LRRC17: variants seen among roughly 807,000 people sequenced by gnomAD.
LRRC17 encodes leucine-rich repeat-containing protein 17.
In LRRC17, 33 loss-of-function variants were observed where a neutral mutation model predicts 41.5. The ratio of observed to expected loss-of-function variants is 0.80; its 90% CI spans 0.60 to 1.06. The LOEUF (loss-of-function observed/expected upper bound fraction) is 1.06. Among genes scored for constraint, LRRC17 ranks in the 50% least tolerant of loss-of-function variants. The probability of loss-of-function intolerance (pLI) is 0.00; values close to 1 mark genes in which losing one functional copy is unlikely to be tolerated. For missense variants in LRRC17, 491 were observed against 519.3 expected, an observed-to-expected ratio of 0.95 and a Z score of 0.53; for synonymous variants, 192 against 197.0, an observed-to-expected ratio of 0.97 and a Z score of 0.21.
At chr7:102,916,104 T>C (rs1815814538) in intron 1 of LRRC17, among the ~76,000 whole-genome samples, 1 of 151,958 alleles carries the variant, frequency 6.6e-6, no homozygotes, top group African/African-American at 2.4e-5. Context: ...CTGCCTCAGC[T>C]TCCCAAGTAG....
chr7:102,928,537 T>C (rs1332265052), intron 1 of LRRC17, among the ~76,000 whole-genome samples: 2 of 152,206 alleles, frequency 1.3e-5, no homozygotes, highest in African/African-American at 2.4e-5. Flanking sequence ...CTGTATATTA[T>C]TAGACTCCAA....
At chr7:102,931,889 T>C in intron 1 of LRRC17, 1 of 1,613,642 alleles carries the variant, frequency 6.2e-7, no homozygotes, top group Non-Finnish European at 8.5e-7. Context: ...ACTGTGAATG[T>C]TGGGCAGTCA....
chr7:102,934,519 A>G lies in LRRC17; in HGVS notation c.606A>G (p.Lys202=). 1 of 1,610,236 alleles carries G rather than the reference A, an allele frequency of 6.2e-7. No individual in the cohort carries two copies. The highest frequency in any genetic ancestry group is 8.5e-7 in the Non-Finnish European group (1 of 1,179,070). The change falls in exon 2 of 4, where the codon AAA becomes AAG. Residue 202 remains lysine, a synonymous_variant. Coordinates refer to ENST00000339431, the MANE Select transcript of LRRC17 (RefSeq NM_001031692.3). ...GTCCACAAGAACAAAAAAATAAAAA[A>G]CTGCGGCAGATAAAATCTGAACAGT... ...CESPQEQKNK[K]LRQIKSEQLC... is the part of the protein sequence containing the mutation.
intron 1 of LRRC17, among the ~76,000 whole-genome samples, chr7:102,916,800 G>GA (rs371101558): frequency 6.7e-6 from 1 of 149,518 alleles, no homozygotes; most frequent in Non-Finnish European, 1.5e-5. Context: ...ATGGGGGGGG[G>GA]TGTGAGTCCT....
chr7:102,917,463 G>T (rs1197416077), intron 1 of LRRC17, among the ~76,000 whole-genome samples: 1 of 152,164 alleles, frequency 6.6e-6, no homozygotes, highest in African/African-American at 2.4e-5. Flanking sequence ...GTGAAAGAAG[G>T]TTGTTATTAT....
chr7:102,935,923 C>G (rs1014774931), intron 2 of LRRC17, among the ~76,000 whole-genome samples: 1 of 152,136 alleles, frequency 6.6e-6, no homozygotes, highest in East Asian at 1.9e-4. Flanking sequence ...TGGCTCCTCT[C>G]GAGAGAATGT....
At chr7:102,920,644 G>T (rs966215000) in intron 1 of LRRC17, among the ~76,000 whole-genome samples, 1 of 151,974 alleles carries the variant, frequency 6.6e-6, no homozygotes, top group East Asian at 1.9e-4. Flanking sequence ...ACCACGCATG[G>T]CCCATACACT....
rs1051960273 is a variant in LRRC17, at chr7:102,944,688, G to A, written c.*81G>A. 2.5e-5 allele frequency: 32 copies of A among 1,289,218 alleles called. No individual in the cohort carries two copies. The highest frequency in any genetic ancestry group is 3.4e-5 in the Non-Finnish European group (32 of 946,884). The allele number at this position is 1,289,218 out of a possible 1,614,324, so 79.9% of individuals were successfully genotyped here. ...AACATATGTTTACATTTGATTAACTGTGTTGCCTATTTATGCAGGGTAATC... is the reference window on the plus strand; with the variant it reads ...AACATATGTTTACATTTGATTAACTATGTTGCCTATTTATGCAGGGTAATC... On this transcript the variant is annotated 3_prime_UTR_variant, in exon 4 of 4. Coordinates refer to ENST00000339431, the MANE Select transcript of LRRC17 (RefSeq NM_001031692.3).
chr7:102,922,903 G>A (rs548147473), intron 1 of LRRC17, among the ~76,000 whole-genome samples: 19 of 152,194 alleles, frequency 1.2e-4, no homozygotes, highest in Non-Finnish European at 2.2e-4. Context: ...GCATGAACCC[G>A]GGAGGCGGAG....
intron 3 of LRRC17, among the ~76,000 whole-genome samples, chr7:102,943,607 G>A (rs544328153): frequency 6.6e-6 from 1 of 152,222 alleles, no homozygotes; most frequent in East Asian, 1.9e-4. Context: ...AATCCACTAA[G>A]AGACTGCAAA....
intron 2 of LRRC17, among the ~76,000 whole-genome samples, chr7:102,935,254 T>C (rs1428220813): frequency 3.1e-4 from 40 of 130,132 alleles, no homozygotes; most frequent in East Asian, 6.6e-4. Context: ...TTTTTTTTTT[T>C]TTTTTTTTTT....
chr7:102,934,102 A>G lies in LRRC17; in HGVS notation c.189A>G (p.Lys63=). Residue 63 remains lysine (K), a synonymous_variant, in exon 2 of 4, where the codon AAA becomes AAG. Coordinates refer to ENST00000339431, the MANE Select transcript of LRRC17 (RefSeq NM_001031692.3). Reference sequence around the variant, plus strand: ...ACGTGTACACATATCTCCATGAGAAATACTTAGATTGTCAAGAAAGAAAAT... The same window carrying G: ...ACGTGTACACATATCTCCATGAGAAGTACTTAGATTGTCAAGAAAGAAAAT... ...PCDVYTYLHE[K]YLDCQERKLV... The G allele has an allele frequency of 6.2e-7, 1 of 1,614,158 alleles. No individual in the cohort carries two copies.
At chr7:102,923,189 T>G (rs1262819751) in intron 1 of LRRC17, among the ~76,000 whole-genome samples, 1 of 152,222 alleles carries the variant, frequency 6.6e-6, no homozygotes, top group Non-Finnish European at 1.5e-5. Flanking sequence ...CTCAATATTT[T>G]GTGCTATTTC....
chr7:102,915,206 T>C (rs1208001000), intron 1 of LRRC17, among the ~76,000 whole-genome samples: 2 of 151,420 alleles, frequency 1.3e-5, no homozygotes, highest in Non-Finnish European at 2.9e-5. Flanking sequence ...GGAACATGGA[T>C]GTAATCTGGT....
intron 1 of LRRC17, among the ~76,000 whole-genome samples, chr7:102,915,122 A>ATAT (rs1815579810): frequency 1.6e-5 from 2 of 128,068 alleles, no homozygotes; most frequent in African/African-American, 5.8e-5. Flanking sequence ...AGATTAAAAT[A>ATAT]TTTTTTTTTT....
In LRRC17 at chr7:102,924,642, T is replaced by TC. The variant is rs1027636329; in HGVS notation, c.-140-9132_-140-9131insC. 1.8e-3 allele frequency among the ~76,000 whole-genome samples: 66 copies of TC among 36,662 alleles called. 1 individual carries two copies. The highest frequency in any genetic ancestry group is 6.6e-3 in the Non-Finnish European group (56 of 8,472). The allele number at this position is 36,662 out of a possible 152,430, so 24.1% of individuals were successfully genotyped here. A position where few individuals can be genotyped will look rare whatever the true frequency, so the allele number is the denominator to read the frequency against. ...CGAGAATTTTCTGTGTAAGCTTTTC[T>TC]TTTTTTTTTTTTTTTTTGAGATGGG... On this transcript the variant is annotated intron_variant, in intron 1 of 3. Transcript: ENST00000339431.
chr7:102,913,723 G>C lies in LRRC17; in HGVS notation c.-141+578G>C, dbSNP rs76210988. On this transcript the variant is annotated intron_variant, in intron 1 of 3. Transcript: ENST00000339431. ...TGAATATGACCATGCTCTTAAAATAGATCTGATAAGCAAATGAGTTTAAAA... is the reference window on the plus strand; with the variant it reads ...TGAATATGACCATGCTCTTAAAATACATCTGATAAGCAAATGAGTTTAAAA... Among the ~76,000 whole-genome samples the C allele has an allele frequency of 3.7e-3, 568 of 152,318 alleles. 5 individuals are homozygous for C. Among genetic ancestry groups the C allele is most frequent in the African/African-American group, 0.013 (561 of 41,568 alleles).
At chr7:102,919,724 T>A (rs771403988) in intron 1 of LRRC17, among the ~76,000 whole-genome samples, 81 of 152,246 alleles carry the variant, frequency 5.3e-4, no homozygotes, top group African/African-American at 1.9e-3. Flanking sequence ...TCAAGAACTA[T>A]ACATGAAGAG....
intron 1 of LRRC17, among the ~76,000 whole-genome samples, chr7:102,914,285 C>A (rs1457906907): frequency 6.6e-6 from 1 of 152,200 alleles, no homozygotes; most frequent in Non-Finnish European, 1.5e-5. Flanking sequence ...GTTGGCCAGG[C>A]TGGCCTCGAA....
Sources: allele counts gnomAD v4.1 joint callset (sites outside exome capture counted in the v4.1 genomes callset), GRCh38; gene constraint gnomAD v4.1.1; transcripts MANE v1.5; gene names NCBI Gene and HGNC (gene_info 2026-07-23, HGNC 2026-07-21).